The following ZNF141 variants were observed in gnomAD, a reference collection of about 807,000 sequenced individuals.
ZNF141 encodes the protein zinc finger protein 141, also known as zinc finger protein 141 (clone pHZ-44).
A neutral mutation model predicts 11.3 loss-of-function variants in ZNF141; 7 were observed. The observed-to-expected ratio is 0.62, with a 90% CI of 0.35 to 1.16. The LOEUF is 1.16. Among genes scored for constraint, ZNF141 ranks in the 50% most tolerant of loss-of-function variants. ZNF141 has a pLI of 0.02. For synonymous variants in ZNF141, 183 were observed against 190.7 expected, an observed-to-expected ratio of 0.96 and a Z score of 0.33; for missense variants, 535 against 554.0, an observed-to-expected ratio of 0.97 and a Z score of 0.34.
rs1237672416 is a variant in ZNF141, at chr4:382,856, G to A, written c.*8994G>A. The A allele has an allele frequency of 1.5e-5, 5 of 340,228 alleles. No homozygotes were observed. Among genetic ancestry groups the A allele is most frequent in the Non-Finnish European group, 2.7e-5 (5 of 185,664 alleles). 21.1% of individuals were successfully genotyped at this position (340,228 alleles called of 1,614,324 possible). A position where few individuals can be genotyped will look rare whatever the true frequency, so the allele number is the denominator to read the frequency against. On this transcript the variant is annotated 3_prime_UTR_variant, in exon 4 of 4. Coordinates refer to ENST00000240499, the MANE Select transcript of ZNF141 (RefSeq NM_003441.4). ...CCAGCCAGCTGCTTAGTAGCTGTGG[G>A]ATAGTTACACAAGACACATCTACAA...
chr4:350,291 C>T (rs782168311), intron 3 of ZNF141: 2 of 510,434 alleles, frequency 3.9e-6, no homozygotes, highest in East Asian at 5.7e-5. Context: ...GGTTTCACAA[C>T]CCTAACCATA....
At chr4:370,049 G>A (rs147315568) in intron 3 of ZNF141, among the ~76,000 whole-genome samples, 2 of 151,786 alleles carry the variant, frequency 1.3e-5, no homozygotes, top group Admixed American at 6.6e-5. Flanking sequence ...ACAGGCATGA[G>A]CCACTGGGCC....
rs1712287888 is a variant in ZNF141 at position 374,889 on chromosome 4, CTCAA to C, written c.*1030_*1033del. 6.6e-6 allele frequency: 1 copy of C among 152,230 alleles called. No homozygotes were observed. The highest frequency in any genetic ancestry group is 1.9e-4 in the East Asian group (1 of 5,180). 9.4% of individuals were successfully genotyped at this position (152,230 alleles called of 1,614,324 possible). The stretch of plus-strand genomic sequence containing the variant: ...AAGTGTGACAAAGCTTGCAACCACA[CTCAA>C]TCTATTCTAAATATAAGAGAAATGA... On this transcript the variant is annotated 3_prime_UTR_variant, in exon 4 of 4. Transcript: ENST00000240499.
At chr4:369,755 TATATATATA>T (rs1560196770) in intron 3 of ZNF141, among the ~76,000 whole-genome samples, 1 of 50,114 alleles carries the variant, frequency 2.0e-5, no homozygotes, top group African/African-American at 6.9e-5. Context: ...TATATATATA[TATATATATA>T]TTTTTTTTTT....
intron 1 of ZNF141, among the ~76,000 whole-genome samples, chr4:343,516 G>T (rs1721159570): frequency 6.6e-6 from 1 of 151,914 alleles, no homozygotes; most frequent in Non-Finnish European, 1.5e-5. Flanking sequence ...ACAAGGTCAG[G>T]AGATCAAGAC....
Position 376,047 on chromosome 4 carries a change from T to A in ZNF141, c.*2185T>A, listed in dbSNP as rs1468027446. 1.4e-4 allele frequency among the ~76,000 whole-genome samples: 22 copies of A among 152,070 alleles called. No individual in the cohort carries two copies. Among genetic ancestry groups the A allele is most frequent in the African/African-American group, 5.1e-4 (21 of 41,454 alleles). ...CATTTATGTAATAAGATACAGTAAA[T>A]TTTAAAATTATTTTAAGATTATGTG... On this transcript the variant is annotated 3_prime_UTR_variant, in exon 4 of 4. Transcript: ENST00000240499.
At chr4:357,814 C>G (rs782556445) in intron 3 of ZNF141, among the ~76,000 whole-genome samples, 3 of 150,468 alleles carry the variant, frequency 2.0e-5, no homozygotes, top group Non-Finnish European at 4.4e-5. Context: ...TCAAGCAATT[C>G]TCTACCTTAG....
At chr4:363,256 CAG>C (rs1423987028) in intron 3 of ZNF141, among the ~76,000 whole-genome samples, 1 of 152,196 alleles carries the variant, frequency 6.6e-6, no homozygotes, top group Non-Finnish European at 1.5e-5. Context: ...AGTTGCTTAT[CAG>C]CTTGAGATTT....
At chr4:359,743 T>A (rs903650728) in intron 3 of ZNF141, among the ~76,000 whole-genome samples, 1 of 152,196 alleles carries the variant, frequency 6.6e-6, no homozygotes, top group East Asian at 1.9e-4. Context: ...TTGCATGGAC[T>A]TGGAGCCAAG....
Position 343,861 on chromosome 4 carries a change from T to C in ZNF141, c.83T>C (p.Leu28Ser), listed in dbSNP as rs782699997. The stretch of plus-strand genomic sequence containing the variant: ...TGCCTGGACCCTGACCAGCAGAATT[T>C]GTATAGAGATGTGATGTTGGAGAAC... Reference protein sequence around the residue: ...WKCLDPDQQNLYRDVMLENYR... With the variant: ...WKCLDPDQQNSYRDVMLENYR... The change falls in exon 2 of 4, where the codon TTG (leucine) becomes TCG (serine). Residue 28 changes from leucine (L) to serine (S), a missense_variant. Physicochemically the swap from Leu to Ser is moderately radical, Grantham distance 145. Coordinates refer to ENST00000240499, the MANE Select transcript of ZNF141 (RefSeq NM_003441.4). 4 of 1,610,916 alleles carry C rather than the reference T, an allele frequency of 2.5e-6. No homozygotes were observed. Among genetic ancestry groups the C allele is most frequent in the Non-Finnish European group, 3.4e-6 (4 of 1,179,426 alleles).
At chr4:343,695 A>T in intron 1 of ZNF141, 87 bp from the exon 2 acceptor site, 1 of 1,283,992 alleles carries the variant, frequency 7.8e-7, no homozygotes, top group Non-Finnish European at 1.0e-6. Flanking sequence ...GCTGCACTCC[A>T]GCCTGGGTGA....
chr4:346,894 CCG>C (rs1491018142), intron 3 of ZNF141, among the ~76,000 whole-genome samples: 1 of 81,404 alleles, frequency 1.2e-5, no homozygotes, highest in African/African-American at 5.0e-5. Flanking sequence ...CACACACACA[CCG>C]CCCCCCCCAT....
Position 381,108 on chromosome 4 carries a change from C to T in ZNF141, c.*7246C>T, listed in dbSNP as rs957120152. ...CTGTAATGTAATTAAATATTATTTACTACAAACTCACATAGTACATTATGA... is the reference window on the plus strand; with the variant it reads ...CTGTAATGTAATTAAATATTATTTATTACAAACTCACATAGTACATTATGA... On this transcript the variant is annotated 3_prime_UTR_variant, in exon 4 of 4. Coordinates refer to ENST00000240499, the MANE Select transcript of ZNF141 (RefSeq NM_003441.4). 6.6e-6 allele frequency among the ~76,000 whole-genome samples: 1 copy of T among 152,062 alleles called. No homozygotes were observed. Among genetic ancestry groups the T allele is most frequent in the South Asian group, 2.1e-4 (1 of 4,834 alleles).
chr4:354,231 C>A (rs1721744234), intron 3 of ZNF141, among the ~76,000 whole-genome samples: 1 of 152,106 alleles, frequency 6.6e-6, no homozygotes, highest in South Asian at 2.1e-4. Context: ...CACTGATCCT[C>A]ACCCATGGTT....
intron 1 of ZNF141, among the ~76,000 whole-genome samples, chr4:341,665 T>C (rs1265424104): frequency 1.3e-5 from 2 of 151,616 alleles, no homozygotes; most frequent in Non-Finnish European, 2.9e-5. Context: ...GGGCCCACTT[T>C]CTGTCCCATC....
intron 1 of ZNF141, among the ~76,000 whole-genome samples, chr4:339,200 C>G (rs1210283759): frequency 1.3e-5 from 2 of 152,230 alleles, no homozygotes; most frequent in African/African-American, 4.8e-5. Context: ...ACACAGTGCC[C>G]AGAAGACTCC....
Position 372,899 on chromosome 4 carries a change from T to C in ZNF141, c.462T>C (p.Val154=). The change falls in exon 4 of 4, where the codon GTT becomes GTC. Residue 154 remains valine (V), a synonymous_variant. Transcript: ENST00000240499. ...ILQCKASVKV[V]SKFSNSNKRK... ...AGTGTAAAGCAAGTGTCAAAGTTGTTAGTAAATTTTCAAATTCAAACAAAC... is the reference window on the plus strand; with the variant it reads ...AGTGTAAAGCAAGTGTCAAAGTTGTCAGTAAATTTTCAAATTCAAACAAAC... 2.5e-6 allele frequency: 4 copies of C among 1,613,676 alleles called. No homozygotes were observed. The highest frequency in any genetic ancestry group is 2.5e-6 in the Non-Finnish European group (3 of 1,179,734).
chr4:374,452 C>T lies in ZNF141; in HGVS notation c.*590C>T, dbSNP rs1712261686. 2.9e-6 allele frequency: 1 copy of T among 344,666 alleles called. No homozygotes were observed. The allele number at this position is 344,666 out of a possible 1,614,324, so 21.4% of individuals were successfully genotyped here. ...AAGAGAATTTATACCAGAGAGAAACCCTACACATGTAAAGAATGTGGCAAA... is the reference window on the plus strand; with the variant it reads ...AAGAGAATTTATACCAGAGAGAAACTCTACACATGTAAAGAATGTGGCAAA... On this transcript the variant is annotated 3_prime_UTR_variant, in exon 4 of 4. Transcript: ENST00000240499.
chr4:370,752 T>C (rs1712014862), intron 3 of ZNF141, among the ~76,000 whole-genome samples: 1 of 152,010 alleles, frequency 6.6e-6, no homozygotes, highest in Non-Finnish European at 1.5e-5. Flanking sequence ...TTTTTTGAAA[T>C]GAAAGTCTTG....
Sources: gnomAD v4.1 joint callset for allele counts (sites outside exome capture counted in the v4.1 genomes callset) on GRCh38, gnomAD v4.1.1 for gene constraint, MANE v1.5 for transcripts, NCBI Gene and HGNC (gene_info 2026-07-23, HGNC 2026-07-21) for gene names.